RTN4RL1: variants seen among roughly 807,000 people sequenced by gnomAD.
RTN4RL1 encodes reticulon 4 receptor like 1, also known as reticulon-4 receptor-like 1.
A neutral mutation model predicts 25.6 loss-of-function variants in RTN4RL1; 7 were observed. The observed-to-expected ratio is 0.27, with a 90% CI of 0.16 to 0.51. The LOEUF (loss-of-function observed/expected upper bound fraction) is 0.51. RTN4RL1 is among the 20% of genes least tolerant of loss of function. The probability of loss-of-function intolerance (pLI) is 0.97; values close to 1 mark genes in which losing one functional copy is unlikely to be tolerated. For synonymous variants in RTN4RL1, 297 were observed against 288.2 expected, an observed-to-expected ratio of 1.03 and a Z score of -0.31; for missense variants, 500 against 615.6, an observed-to-expected ratio of 0.81 and a Z score of 1.99.
At chr17:2,015,811 C>T (rs1044593330) in intron 1 of RTN4RL1, among the ~76,000 whole-genome samples, 10 of 152,146 alleles carry the variant, frequency 6.6e-5, no homozygotes, top group Non-Finnish European at 8.8e-5. Context: ...GGGGATGCAA[C>T]ACCCCATCAG....
chr17:2,014,120 G>T (rs2067088016), intron 1 of RTN4RL1, among the ~76,000 whole-genome samples: 1 of 152,184 alleles, frequency 6.6e-6, no homozygotes, highest in Non-Finnish European at 1.5e-5. Context: ...AACCTTTTGG[G>T]AGGGACACCC....
At chr17:2,017,401 C>G (rs1009737751) in intron 1 of RTN4RL1, among the ~76,000 whole-genome samples, 1 of 152,224 alleles carries the variant, frequency 6.6e-6, no homozygotes, top group African/African-American at 2.4e-5. Context: ...TGTCACGAGT[C>G]GTGCCCACCC....
Position 1,953,025 on chromosome 17 carries a change from C to T in RTN4RL1, c.14-15217G>A, listed in dbSNP as rs1227420018. On this transcript the variant is annotated intron_variant, in intron 1 of 1. Transcript: ENST00000331238. ...CCAGGAGGCAGAGGCTGTAGTGAGC[C>T]GAGATTGTGCCACTGTATTCTGGGT... Among the ~76,000 whole-genome samples, 4 of 150,888 alleles carry T rather than the reference C, an allele frequency of 2.7e-5. 1 individual carries two copies. Among genetic ancestry groups the T allele is most frequent in the South Asian group, 4.2e-4 (2 of 4,780 alleles).
At position 2,015,438 on chromosome 17, in the gene RTN4RL1, C is replaced by T. The variant is rs146187709; in HGVS notation, c.13+9415G>A. Among the ~76,000 whole-genome samples, 344 of 152,256 alleles carry T rather than the reference C, an allele frequency of 2.3e-3. 2 individuals are homozygous for T. Among genetic ancestry groups the T allele is most frequent in the African/African-American group, 8.0e-3 (331 of 41,538 alleles). ...AATGGCCGGCCACTGCAGCCACGGC[C>T]GTGCTGAAAGCCCCCAGAGCCAAGC... On this transcript the variant is annotated intron_variant, in intron 1 of 1. Transcript: ENST00000331238.
At chr17:1,949,327 C>T (rs554147538) in intron 1 of RTN4RL1, among the ~76,000 whole-genome samples, 95 of 149,384 alleles carry the variant, frequency 6.4e-4, no homozygotes, top group African/African-American at 2.2e-3. Flanking sequence ...CAACTCCTGA[C>T]CTCAGGTAAT....
intron 1 of RTN4RL1, among the ~76,000 whole-genome samples, chr17:2,016,679 C>T (rs796209403): frequency 4.5e-4 from 69 of 152,342 alleles, no homozygotes; most frequent in African/African-American, 1.5e-3. Context: ...GTGTGGCATG[C>T]GGCACATGCC....
intron 1 of RTN4RL1, among the ~76,000 whole-genome samples, chr17:1,978,371 T>G (rs1012796827): frequency 6.6e-6 from 1 of 152,222 alleles, no homozygotes; most frequent in African/African-American, 2.4e-5. Flanking sequence ...GGCTCTGCTT[T>G]GGGCCACACA....
chr17:2,012,643 C>T (rs539222870), intron 1 of RTN4RL1, among the ~76,000 whole-genome samples: 2 of 151,806 alleles, frequency 1.3e-5, no homozygotes, highest in East Asian at 3.9e-4. Flanking sequence ...CTTATGGTTA[C>T]AGAACAATAT....
chr17:2,024,839 C>A lies in RTN4RL1; in HGVS notation c.13+14G>T, dbSNP rs1416937169. On this transcript the variant is annotated intron_variant, in intron 1 of 1. Coordinates refer to ENST00000331238, the MANE Select transcript of RTN4RL1 (RefSeq NM_178568.4). The stretch of plus-strand genomic sequence containing the variant: ...CGCATTCAACTTCAACTTGCCCCTG[C>A]GGCTCCAACTCACCTTTGCGAAGCA... 2.5e-6 allele frequency: 4 copies of A among 1,574,662 alleles called. No individual in the cohort carries two copies. The highest frequency in any genetic ancestry group is 1.7e-6 in the Non-Finnish European group (2 of 1,161,246).
Position 1,936,463 on chromosome 17 carries a change from T to A in RTN4RL1, c.*33A>T, listed in dbSNP as rs1915305123. ...AATAAATTCTGTTCCTTGGTGGACA[T>A]GTGGCAGTGCTGGGTGCTGACGCCC... On this transcript the variant is annotated 3_prime_UTR_variant, in exon 2 of 2. Transcript: ENST00000331238. 2 of 1,507,628 alleles carry A rather than the reference T, an allele frequency of 1.3e-6. No individual in the cohort carries two copies. The highest frequency in any genetic ancestry group is 1.8e-6 in the Non-Finnish European group (2 of 1,136,472). 93.4% of individuals were successfully genotyped at this position (1,507,628 alleles called of 1,614,324 possible). A position where few individuals can be genotyped will look rare whatever the true frequency, so the allele number is the denominator to read the frequency against.
intron 1 of RTN4RL1, among the ~76,000 whole-genome samples, chr17:1,969,844 G>A (rs2066810175): frequency 6.6e-6 from 1 of 152,160 alleles, no homozygotes; most frequent in African/African-American, 2.4e-5. Flanking sequence ...TCATGACTCT[G>A]TGGGTCAAAC....
chr17:1,981,191 G>T (rs1453968356), intron 1 of RTN4RL1, among the ~76,000 whole-genome samples: 1 of 152,024 alleles, frequency 6.6e-6, no homozygotes, highest in Non-Finnish European at 1.5e-5. Flanking sequence ...GACCAGCCTG[G>T]ACAACATAAG....
chr17:1,979,896 A>T (rs2066859971), intron 1 of RTN4RL1, among the ~76,000 whole-genome samples: 1 of 152,090 alleles, frequency 6.6e-6, no homozygotes, highest in African/African-American at 2.4e-5. Context: ...GTGGAGAAGG[A>T]AATCTCTGTT....
At chr17:1,939,111 G>A (rs1915379847) in intron 1 of RTN4RL1, among the ~76,000 whole-genome samples, 1 of 152,064 alleles carries the variant, frequency 6.6e-6, no homozygotes, top group Admixed American at 6.6e-5. Flanking sequence ...TCAGCACTTT[G>A]GGAGGCCGAG....
chr17:1,953,739 AT>A (rs1316729629), intron 1 of RTN4RL1, among the ~76,000 whole-genome samples: 4 of 152,078 alleles, frequency 2.6e-5, no homozygotes, highest in African/African-American at 9.6e-5. Context: ...TAATTTTTGT[AT>A]TTTTAGTAGA....
chr17:1,985,283 C>T (rs2066883123), intron 1 of RTN4RL1, among the ~76,000 whole-genome samples: 1 of 152,236 alleles, frequency 6.6e-6, no homozygotes, highest in South Asian at 2.1e-4. Flanking sequence ...CCTCCTTCTT[C>T]TCACCTCCTC....
intron 1 of RTN4RL1, among the ~76,000 whole-genome samples, chr17:1,996,827 G>T (rs564183485): frequency 2.6e-5 from 4 of 152,284 alleles, no homozygotes; most frequent in African/African-American, 9.6e-5. Flanking sequence ...TCTGGGTCTC[G>T]GAGACAGGAC....
intron 1 of RTN4RL1, among the ~76,000 whole-genome samples, chr17:2,021,743 C>T (rs536863151): frequency 9.9e-5 from 15 of 151,292 alleles, no homozygotes; most frequent in East Asian, 3.9e-4. Flanking sequence ...TTAGTAGAGA[C>T]GGGGTTTCAC....
At chr17:1,950,595 C>A (rs1244350158) in intron 1 of RTN4RL1, among the ~76,000 whole-genome samples, 1 of 151,940 alleles carries the variant, frequency 6.6e-6, no homozygotes, top group Non-Finnish European at 1.5e-5. Flanking sequence ...GCCTGGAATC[C>A]CAGCACTTTG....
Sources: gnomAD v4.1 joint callset for allele counts (sites outside exome capture counted in the v4.1 genomes callset) on GRCh38, gnomAD v4.1.1 for gene constraint, MANE v1.5 for transcripts, NCBI Gene and HGNC (gene_info 2026-07-23, HGNC 2026-07-21) for gene names.